The following BTAF1 variants were observed in gnomAD, a reference collection of about 807,000 sequenced individuals.
BTAF1 encodes B-TFIID TATA-box binding protein associated factor 1, also known as TATA-binding protein-associated factor 172.
In BTAF1, 38 loss-of-function variants were observed where a neutral mutation model predicts 227.1. The observed-to-expected ratio is 0.17, with a 90% CI of 0.13 to 0.22. The LOEUF is 0.22. Among genes scored for constraint, BTAF1 ranks in the 10% least tolerant of loss-of-function variants. The pLI, the probability that BTAF1 is intolerant of heterozygous loss-of-function variation, is 1.00. For synonymous variants in BTAF1, 742 were observed against 751.9 expected, an observed-to-expected ratio of 0.99 and a Z score of 0.21; for missense variants, 1,598 against 2,204.0, an observed-to-expected ratio of 0.73 and a Z score of 5.51.
Position 91,958,928 on chromosome 10 carries a change from A to C in BTAF1, c.901-137A>C, listed in dbSNP as rs564869497. The stretch of plus-strand genomic sequence containing the variant: ...TAATTCTTCTTAGATAGTTGAAGAA[A>C]AATACATTCTTGTAAAGTTCCACTT... On this transcript the variant is annotated intron_variant, in intron 8 of 37. Coordinates refer to ENST00000265990, the MANE Select transcript of BTAF1 (RefSeq NM_003972.3). 1.3e-4 allele frequency: 93 copies of C among 738,642 alleles called. No homozygotes were observed. In the African/African-American group the frequency reaches 1.6e-3, roughly 13 times the overall value. 45.8% of individuals were successfully genotyped at this position (738,642 alleles called of 1,614,324 possible).
chr10:91,982,654 C>CAGCT lies in BTAF1; in HGVS notation c.2116_2117insAGCT (p.Pro706GlnfsTer4). 6.2e-7 allele frequency: 1 copy of CAGCT among 1,613,822 alleles called. No homozygotes were observed. Among genetic ancestry groups the CAGCT allele is most frequent in the Non-Finnish European group, 8.5e-7 (1 of 1,179,844 alleles). On this transcript the variant is annotated frameshift_variant, in exon 18 of 38. Transcript: ENST00000265990. LOFTEE classifies it high-confidence loss of function. ...AAATGTGGTAACTCAAGAAATTAAA[C>CAGCT]CAGCTGAATCCCTGGGCCAGTTACT...
intron 1 of BTAF1, among the ~76,000 whole-genome samples, chr10:91,929,003 G>A (rs1203938268): frequency 6.6e-6 from 1 of 152,010 alleles, no homozygotes; most frequent in Non-Finnish European, 1.5e-5. Context: ...TTGTAGAAGT[G>A]GGGTTTCATC....
chr10:91,964,319 A>G, intron 13 of BTAF1, 118 bp downstream of exon 13: 1 of 1,205,882 alleles, frequency 8.3e-7, no homozygotes, highest in Non-Finnish European at 1.1e-6. Flanking sequence ...TAAGCTGGAG[A>G]TGCCAAAGAC....
intron 14 of BTAF1, among the ~76,000 whole-genome samples, chr10:91,979,951 T>A (rs1190262580): frequency 6.6e-6 from 1 of 152,190 alleles, no homozygotes; most frequent in Non-Finnish European, 1.5e-5. Flanking sequence ...CAAAATAGAT[T>A]AAGAACTTTT....
chr10:91,991,692 T>C (rs1203744577), intron 20 of BTAF1, among the ~76,000 whole-genome samples: 4 of 150,346 alleles, frequency 2.7e-5, no homozygotes, highest in African/African-American at 9.8e-5. Flanking sequence ...GAGGTGGAGG[T>C]TGCAGTGAGC....
intron 35 of BTAF1, 45 bp downstream of exon 35, chr10:92,025,012 A>G (rs1467867029): frequency 1.3e-6 from 2 of 1,517,624 alleles, no homozygotes. Context: ...ATATATTATT[A>G]CTTACATAGA....
intron 11 of BTAF1, among the ~76,000 whole-genome samples, chr10:91,961,558 C>T (rs1846516734): frequency 6.6e-6 from 1 of 151,874 alleles, no homozygotes; most frequent in Non-Finnish European, 1.5e-5. Context: ...CCCTTCCTTG[C>T]TTTTCCTGCC....
At chr10:91,987,171 G>A (rs568892863) in intron 19 of BTAF1, among the ~76,000 whole-genome samples, 41 of 138,428 alleles carry the variant, frequency 3.0e-4, no homozygotes, top group African/African-American at 1.1e-3. Flanking sequence ...AATCTTGTCA[G>A]CATTTTCTTT....
chr10:91,970,910 C>A (rs1226672230), intron 14 of BTAF1, among the ~76,000 whole-genome samples: 2 of 152,130 alleles, frequency 1.3e-5, no homozygotes, highest in African/African-American at 4.8e-5. Flanking sequence ...CTTTTTGATT[C>A]ATATTTAGTA....
chr10:91,999,264 A>T (rs1477163451), intron 25 of BTAF1, among the ~76,000 whole-genome samples: 3 of 152,166 alleles, frequency 2.0e-5, no homozygotes, highest in Non-Finnish European at 4.4e-5. Context: ...TACCAGCAAA[A>T]TAATGAGTTA....
chr10:91,931,169 C>T (rs910577337), intron 1 of BTAF1, among the ~76,000 whole-genome samples: 1 of 152,150 alleles, frequency 6.6e-6, no homozygotes, highest in Non-Finnish European at 1.5e-5. Context: ...CAACTGCTAG[C>T]ATAACCTCTA....
Position 91,957,244 on chromosome 10 carries a change from A to G in BTAF1, c.851A>G (p.Glu284Gly), listed in dbSNP as rs1042125731. ...LIEETNEWPL[E>G]SFCEELCNDL... The stretch of plus-strand genomic sequence containing the variant: ...ATTCAGACAAATGAATGGCCTTTGG[A>G]AAGCTTTTGTGAAGAACTTTGCAAT... The change falls in exon 8 of 38, where the codon GAA becomes GGA. Residue 284 changes from glutamate (E) to glycine (G), a missense_variant. This residue lies in a region of BTAF1 where 298 missense variants were observed against 395.2 expected (regional missense o/e 0.75). Transcript: ENST00000265990. 2.5e-6 allele frequency: 4 copies of G among 1,612,902 alleles called. No homozygotes were observed. The highest frequency in any genetic ancestry group is 1.7e-6 in the Non-Finnish European group (2 of 1,179,254).
At chr10:91,986,523 C>T (rs1375783056) in intron 19 of BTAF1, among the ~76,000 whole-genome samples, 2 of 147,080 alleles carry the variant, frequency 1.4e-5, no homozygotes, top group Admixed American at 7.0e-5. Flanking sequence ...TTTGTTCTCA[C>T]CTGTGGAGAG....
Position 92,016,340 on chromosome 10 carries a change from G to C in BTAF1, c.4585G>C (p.Val1529Leu). 6.3e-7 allele frequency: 1 copy of C among 1,597,878 alleles called. No individual in the cohort carries two copies. Among genetic ancestry groups the C allele is most frequent in the Non-Finnish European group, 8.5e-7 (1 of 1,174,098 alleles). Residue 1529 changes from valine (V) to leucine (L), a missense_variant and splice_region_variant, in exon 33 of 38, where the codon GTT (valine) becomes CTT (leucine). Val to Leu is a conservative substitution (Grantham distance 32). Around this residue, in one of 10 missense-constraint regions of BTAF1, gnomAD observed 205 missense variants for 244.5 expected, o/e 0.84. Transcript: ENST00000265990. ...DYYCTLSPLQ[V>L]QLYEDFAKSR... ...TTCTCCCACGGGGGCCATTTTACAG[G>C]TTCAGCTCTATGAAGATTTTGCTAA...
rs1851824109 is a variant in BTAF1 at position 92,030,482 on chromosome 10, T to G, written c.*1549T>G. On this transcript the variant is annotated 3_prime_UTR_variant, in exon 38 of 38. Transcript: ENST00000265990. Reference sequence around the variant, plus strand: ...AGTTGAATATTTTTTTATTAACTATTTATTTGCTAGTTCCATAAACCAGCT... The same window carrying G: ...AGTTGAATATTTTTTTATTAACTATGTATTTGCTAGTTCCATAAACCAGCT... Among the ~76,000 whole-genome samples the G allele has an allele frequency of 6.6e-6, 1 of 152,154 alleles. No individual in the cohort carries two copies. Among genetic ancestry groups the G allele is most frequent in the South Asian group, 2.1e-4 (1 of 4,822 alleles).
intron 2 of BTAF1, among the ~76,000 whole-genome samples, chr10:91,938,144 G>T (rs545614090): frequency 2.0e-5 from 3 of 152,146 alleles, no homozygotes; most frequent in Non-Finnish European, 4.4e-5. Flanking sequence ...TTAAAATTGG[G>T]TTATCATTTT....
At chr10:91,952,742 A>C (rs922122799) in intron 5 of BTAF1, among the ~76,000 whole-genome samples, 1 of 152,168 alleles carries the variant, frequency 6.6e-6, no homozygotes, top group South Asian at 2.1e-4. Context: ...AAAAAGAGAG[A>C]GTATGAAGAG....
intron 2 of BTAF1, among the ~76,000 whole-genome samples, chr10:91,939,359 T>G (rs1844846049): frequency 1.3e-5 from 2 of 152,230 alleles, no homozygotes; most frequent in South Asian, 4.1e-4. Flanking sequence ...TAATGGGACT[T>G]AATGAATAAT....
intron 14 of BTAF1, 69 bp from the exon 15 acceptor site, chr10:91,980,385 A>G: frequency 8.7e-7 from 1 of 1,146,996 alleles, no homozygotes; most frequent in Admixed American, 1.8e-5. Context: ...TATTTGACAT[A>G]TAATTCTTCA....
Sources: gnomAD v4.1 joint callset for allele counts (sites outside exome capture counted in the v4.1 genomes callset) on GRCh38, gnomAD v4.1.1 for gene constraint, gnomAD v4.1.1 regional missense constraint, MANE v1.5 for transcripts, NCBI Gene and HGNC (gene_info 2026-07-23, HGNC 2026-07-21) for gene names.